CAMTA1: variants seen among roughly 807,000 people sequenced by gnomAD.
CAMTA1 encodes the protein calmodulin-binding transcription activator 1.
A neutral mutation model predicts 170.9 loss-of-function variants in CAMTA1; 27 were observed. The observed-to-expected ratio is 0.16, with a 90% CI of 0.12 to 0.22. The LOEUF is 0.22. Ranked by LOEUF, CAMTA1 falls within the 10% of genes least tolerant of loss-of-function variation. The probability of loss-of-function intolerance (pLI) is 1.00; values close to 1 mark genes in which losing one functional copy is unlikely to be tolerated. For missense variants in CAMTA1, 1,619 were observed against 2,217.2 expected, an observed-to-expected ratio of 0.73 and a Z score of 5.42; for synonymous variants, 833 against 891.5, an observed-to-expected ratio of 0.93 and a Z score of 1.17.
chr1:7,422,291 CAG>C (rs2091614696), intron 5 of CAMTA1, among the ~76,000 whole-genome samples: 1 of 152,072 alleles, frequency 6.6e-6, no homozygotes, highest in South Asian at 2.1e-4. Flanking sequence ...GCAAGAGGCT[CAG>C]AGGAAAGGCC....
Position 7,527,719 on chromosome 1 carries a change from A to G in CAMTA1, c.510+59818A>G, listed in dbSNP as rs146094872. Reference sequence around the variant, plus strand: ...CTAGAAGCTGCCTCGACCCGGAGATAGGGAGCTGAAAGCCCAGGTCTAGTT... The same window carrying G: ...CTAGAAGCTGCCTCGACCCGGAGATGGGGAGCTGAAAGCCCAGGTCTAGTT... On this transcript the variant is annotated intron_variant, in intron 6 of 22. Transcript: ENST00000303635. Among the ~76,000 whole-genome samples the G allele has an allele frequency of 3.8e-3, 579 of 152,316 alleles. 3 individuals carry two copies. Among genetic ancestry groups the G allele is most frequent in the African/African-American group, 0.013 (526 of 41,584 alleles).
chr1:7,196,989 G>T (rs1459901432), intron 4 of CAMTA1, among the ~76,000 whole-genome samples: 1 of 152,180 alleles, frequency 6.6e-6, no homozygotes, highest in Non-Finnish European at 1.5e-5. Context: ...GAACTTTTAT[G>T]ATCTAACGTT....
At chr1:7,111,894 A>G (rs1007910094) in intron 4 of CAMTA1, among the ~76,000 whole-genome samples, 3 of 151,116 alleles carry the variant, frequency 2.0e-5, no homozygotes, top group African/African-American at 7.3e-5. Context: ...CCAAAAAAAA[A>G]AAAAAAAAAA....
chr1:7,351,033 C>A (rs749175422), intron 5 of CAMTA1, among the ~76,000 whole-genome samples: 8 of 152,226 alleles, frequency 5.3e-5, no homozygotes, highest in Admixed American at 1.3e-4. Context: ...GGGGCGCATT[C>A]CTGCTTTGGC....
intron 3 of CAMTA1, among the ~76,000 whole-genome samples, chr1:6,838,420 C>T (rs1257778378): frequency 6.6e-6 from 1 of 152,140 alleles, no homozygotes; most frequent in Non-Finnish European, 1.5e-5. Context: ...GGCAGGAAGC[C>T]AGCATGTCCC....
chr1:7,177,831 A>C (rs1214237169), intron 4 of CAMTA1, among the ~76,000 whole-genome samples: 1 of 150,554 alleles, frequency 6.6e-6, no homozygotes, highest in Non-Finnish European at 1.5e-5. Context: ...CTTGCCACAC[A>C]CAGAGGCTCC....
At chr1:6,871,241 A>G (rs1032164097) in intron 3 of CAMTA1, among the ~76,000 whole-genome samples, 3 of 152,212 alleles carry the variant, frequency 2.0e-5, no homozygotes, top group African/African-American at 7.2e-5. Context: ...TGAAAGTTGA[A>G]TGTGAGACCA....
Position 7,565,357 on chromosome 1 carries a change from G to A in CAMTA1, c.511-75043G>A, listed in dbSNP as rs1170725639. ...GCAGTGGGGTGAGTCTCTGAGCAGG[G>A]GCAGAAGGCTGGTGAGGGCCCAGGG... On this transcript the variant is annotated intron_variant, in intron 6 of 22. Coordinates refer to ENST00000303635, the MANE Select transcript of CAMTA1 (RefSeq NM_015215.4). The surrounding 1 kb of genome is among the most constrained non-coding windows in gnomAD (Gnocchi z 4.5). 2.0e-5 allele frequency among the ~76,000 whole-genome samples: 3 copies of A among 152,172 alleles called. No individual in the cohort carries two copies. Among genetic ancestry groups the A allele is most frequent in the Non-Finnish European group, 4.4e-5 (3 of 68,020 alleles).
chr1:7,063,664 A>T lies in CAMTA1; in HGVS notation c.235-27640A>T, dbSNP rs1346123767. 1.3e-5 allele frequency among the ~76,000 whole-genome samples: 2 copies of T among 152,156 alleles called. No individual in the cohort carries two copies. The highest frequency in any genetic ancestry group is 2.9e-5 in the Non-Finnish European group (2 of 68,028). ...CCCTGGACCTACCATTTGCATTTGG[A>T]CTTAGATTATTAGACATTTTCTTCT... On this transcript the variant is annotated intron_variant, in intron 3 of 22. Transcript: ENST00000303635. This position sits in a 1 kb window ranked among gnomAD's most constrained non-coding sequence, Gnocchi z 4.3.
At chr1:7,413,476 C>T (rs2090944750) in intron 5 of CAMTA1, among the ~76,000 whole-genome samples, 1 of 152,104 alleles carries the variant, frequency 6.6e-6, no homozygotes, top group Non-Finnish European at 1.5e-5. Context: ...CTTCATGTCC[C>T]TTGTAAGTTG....
chr1:7,594,517 T>C (rs1023930841), intron 6 of CAMTA1, among the ~76,000 whole-genome samples: 2 of 152,156 alleles, frequency 1.3e-5, no homozygotes, highest in African/African-American at 4.8e-5. Context: ...CTGATTGATG[T>C]GTTTTAAAAG....
chr1:7,436,902 G>T (rs1200840367), intron 5 of CAMTA1, among the ~76,000 whole-genome samples: 1 of 152,072 alleles, frequency 6.6e-6, no homozygotes, highest in African/African-American at 2.4e-5. Context: ...GAGGTTGTGG[G>T]TGCCGGGTAC....
At chr1:7,327,154 C>T (rs1313036860) in intron 5 of CAMTA1, among the ~76,000 whole-genome samples, 14 of 151,820 alleles carry the variant, frequency 9.2e-5, no homozygotes, top group Admixed American at 4.6e-4. Flanking sequence ...CAGTGGCTCA[C>T]GCTTGTAATC....
At chr1:7,079,757 G>A (rs770692067) in intron 3 of CAMTA1, among the ~76,000 whole-genome samples, 1 of 152,054 alleles carries the variant, frequency 6.6e-6, no homozygotes, top group Non-Finnish European at 1.5e-5. Context: ...ACAGGCATGA[G>A]CCACAGTGCC....
rs531906141 is a variant in CAMTA1, at chr1:7,103,627, A to AAC, written c.302+12257_302+12258dup. ...TACACAACTACACACACGCACACAC[A>AAC]ACTACACACACGCACACACAACACA... On this transcript the variant is annotated intron_variant, in intron 4 of 22. Coordinates refer to ENST00000303635, the MANE Select transcript of CAMTA1 (RefSeq NM_015215.4). Among the ~76,000 whole-genome samples, 439 of 149,602 alleles carry AAC rather than the reference A, an allele frequency of 2.9e-3. 2 individuals are homozygous for AAC. Among genetic ancestry groups the AAC allele is most frequent in the Non-Finnish European group, 4.1e-3 (275 of 67,172 alleles).
rs2093140638 is a variant in CAMTA1, at chr1:7,463,514, G to A, written c.439-4316G>A. 1.3e-5 allele frequency among the ~76,000 whole-genome samples: 2 copies of A among 151,510 alleles called. No individual in the cohort carries two copies. The highest frequency in any genetic ancestry group is 1.3e-4 in the Admixed American group (2 of 15,198). On this transcript the variant is annotated intron_variant, in intron 5 of 22. Transcript: ENST00000303635. The surrounding 1 kb of genome is among the most constrained non-coding windows in gnomAD (Gnocchi z 4.7). ...GGAGAGAGAGAGAAAGAAAGAGACT[G>A]AGAAAGAGATTGAGAGACAGGGAGA...
chr1:6,851,898 C>T (rs1159760217), intron 3 of CAMTA1, among the ~76,000 whole-genome samples: 1 of 151,766 alleles, frequency 6.6e-6, no homozygotes, highest in East Asian at 1.9e-4. Context: ...CCTGTAATTC[C>T]AGCCACTTGG....
In CAMTA1 at chr1:7,704,980, G is replaced by T. The variant is rs1386720045; in HGVS notation, c.2914+27247G>T. Among the ~76,000 whole-genome samples the T allele has an allele frequency of 2.4e-4, 23 of 94,980 alleles. 1 individual carries two copies. The South Asian group carries it at 8.0e-3, about 33-fold the overall frequency. 62.3% of individuals were successfully genotyped at this position (94,980 alleles called of 152,430 possible). ...CGGGGGCGCGCGCGGGGCGGGGGCG[G>T]GGCCGGGGCGTGGGGACACGCGTGC... is the stretch of plus-strand genomic sequence containing the variant. On this transcript the variant is annotated intron_variant, in intron 11 of 22. Transcript: ENST00000303635.
intron 4 of CAMTA1, among the ~76,000 whole-genome samples, chr1:7,155,388 G>GT (rs1024099776): frequency 6.8e-5 from 4 of 59,250 alleles, no homozygotes; most frequent in Admixed American, 3.5e-4. Flanking sequence ...GGGCACCGTT[G>GT]GGGGGGGGAT....
Sources: allele counts gnomAD v4.1 joint callset (sites outside exome capture counted in the v4.1 genomes callset), GRCh38; gene constraint gnomAD v4.1.1; non-coding constraint Gnocchi (gnomAD v3.1); transcripts MANE v1.5; gene names NCBI Gene and HGNC (gene_info 2026-07-23, HGNC 2026-07-21).